SCN11A: variants seen among roughly 807,000 people sequenced by gnomAD.
The protein encoded by SCN11A is sodium voltage-gated channel alpha subunit 11, also known as sodium channel protein type 11 subunit alpha.
In SCN11A, 122 loss-of-function variants were observed where a neutral mutation model predicts 162.2. The ratio of observed to expected loss-of-function variants is 0.75; its 90% CI spans 0.65 to 0.87. The LOEUF (loss-of-function observed/expected upper bound fraction) is 0.87, where lower values mean the gene tolerates loss of function less well. Ranked by LOEUF, SCN11A falls within the 40% of genes least tolerant of loss-of-function variation. The pLI, the probability that SCN11A is intolerant of heterozygous loss-of-function variation, is 0.00. For synonymous variants in SCN11A, 758 were observed against 751.5 expected (o/e 1.01, Z -0.14); for missense variants, 2,015 against 2,181.6 (o/e 0.92, Z 1.52).
intron 2 of SCN11A, among the ~76,000 whole-genome samples, chr3:38,962,902 T>C (rs1204359018): frequency 1.3e-5 from 2 of 151,722 alleles, no homozygotes; most frequent in Non-Finnish European, 2.9e-5. Context: ...AGGACATGAA[T>C]AGACAATTCT....
chr3:38,979,768 G>A (rs1163195827), intron 2 of SCN11A, among the ~76,000 whole-genome samples: 2 of 152,052 alleles, frequency 1.3e-5, no homozygotes, highest in Non-Finnish European at 2.9e-5. Context: ...TCCAGCCTTT[G>A]TCTTCTCTAA....
intron 15 of SCN11A, 109 bp downstream of exon 15, chr3:38,905,083 G>T: frequency 7.2e-7 from 1 of 1,392,934 alleles, no homozygotes; most frequent in Non-Finnish European, 1.0e-6. Flanking sequence ...ACAGTGGGTT[G>T]GTTCCAAAAC....
chr3:38,993,483 C>A (rs1228936975), intron 2 of SCN11A, among the ~76,000 whole-genome samples: 2 of 152,212 alleles, frequency 1.3e-5, no homozygotes, highest in Non-Finnish European at 2.9e-5. Flanking sequence ...CAATCACATA[C>A]TTTCATACTA....
chr3:38,969,858 G>C (rs558304486), intron 2 of SCN11A, among the ~76,000 whole-genome samples: 4 of 152,336 alleles, frequency 2.6e-5, no homozygotes, highest in African/African-American at 9.6e-5. Context: ...CTAGTCTTAA[G>C]AAGGCTCAGT....
At chr3:38,930,164 G>A (rs2066219126) in intron 7 of SCN11A, among the ~76,000 whole-genome samples, 2 of 152,156 alleles carry the variant, frequency 1.3e-5, no homozygotes, top group Admixed American at 1.3e-4. Flanking sequence ...CAGCTTATCA[G>A]TTCAGAGTAA....
At position 38,846,699 on chromosome 3, in the gene SCN11A, C is replaced by G. The variant is rs772016847; in HGVS notation, c.5371G>C (p.Asp1791His). 12 of 1,613,488 alleles carry G rather than the reference C, an allele frequency of 7.4e-6. No individual in the cohort carries two copies. Among genetic ancestry groups the G allele is most frequent in the Non-Finnish European group, 1.0e-5 (12 of 1,179,744 alleles). ...GTAGGCGTGGAGGTGAGGGCTCAGT[C>G]ACAGTGGACCTTGCCCTTGGCCACC... ...FGVAKGKVHC[D>H] The change falls in exon 30 of 30, where the codon GAC becomes CAC. Residue 1791 changes from aspartate (D) to histidine (H), a missense_variant. Physicochemically the swap from Asp to His is moderately conservative, Grantham distance 81 (BLOSUM62 -1). Coordinates refer to ENST00000302328, the MANE Select transcript of SCN11A (RefSeq NM_001349253.2).
At chr3:38,854,180 G>C (rs11923194) in intron 28 of SCN11A, among the ~76,000 whole-genome samples, 21,184 of 152,092 alleles carry the variant, frequency 0.14, 1,532 homozygotes, top group East Asian at 0.17. Context: ...ATAAAGTTGT[G>C]TTGGAATACA....
intron 7 of SCN11A, among the ~76,000 whole-genome samples, chr3:38,939,300 T>C (rs935738578): frequency 2.0e-5 from 3 of 151,960 alleles, no homozygotes. Context: ...ATAGAATAGT[T>C]TTTAAAATGG....
At chr3:39,040,762 T>C (rs2032029927) in intron 1 of SCN11A, among the ~76,000 whole-genome samples, 1 of 152,086 alleles carries the variant, frequency 6.6e-6, no homozygotes, top group Non-Finnish European at 1.5e-5. Context: ...AGAGCTTCAA[T>C]AACAGACTAG....
In SCN11A at chr3:38,894,924, C is replaced by T. The variant is rs1395093839; in HGVS notation, c.2444G>A (p.Ser815Asn). ...TAAGTTTCCATTTCTTTCCTCATTG[C>T]TAAAGGAATTGAGCAGTAAGGCAAT... Reference protein sequence around the residue: ...LFIALLLNSFSNEERNGNLEG... With the variant: ...LFIALLLNSFNNEERNGNLEG... Residue 815 changes from serine (S) to asparagine (N), a missense_variant, in exon 19 of 30, where the codon AGC becomes AAC. Coordinates refer to ENST00000302328, the MANE Select transcript of SCN11A (RefSeq NM_001349253.2). 2 of 1,613,660 alleles carry T rather than the reference C, an allele frequency of 1.2e-6. No homozygotes were observed. Among genetic ancestry groups the T allele is most frequent in the South Asian group, 2.2e-5 (2 of 91,032 alleles).
chr3:38,924,395 GAC>G (rs1368735256), intron 9 of SCN11A, among the ~76,000 whole-genome samples: 1 of 150,498 alleles, frequency 6.6e-6, no homozygotes, highest in Admixed American at 6.6e-5. Flanking sequence ...TTTTTTCTGA[GAC>G]AGTTTTGCTT....
chr3:38,968,708 G>A (rs951654277), intron 2 of SCN11A, among the ~76,000 whole-genome samples: 4 of 151,880 alleles, frequency 2.6e-5, no homozygotes, highest in Non-Finnish European at 5.9e-5. Flanking sequence ...ACATACACAC[G>A]TCAGAATCAA....
intron 7 of SCN11A, among the ~76,000 whole-genome samples, chr3:38,943,046 G>A (rs1197678230): frequency 6.6e-6 from 1 of 151,844 alleles, no homozygotes; most frequent in East Asian, 1.9e-4. Context: ...ATTCATAATA[G>A]CCCTAAACTG....
At chr3:39,025,582 T>G (rs2031568071) in intron 2 of SCN11A, among the ~76,000 whole-genome samples, 1 of 152,008 alleles carries the variant, frequency 6.6e-6, no homozygotes, top group Non-Finnish European at 1.5e-5. Flanking sequence ...CCATGGCATT[T>G]GTAAACTGTC....
intron 4 of SCN11A, among the ~76,000 whole-genome samples, chr3:38,950,859 A>T (rs959472540): frequency 6.6e-6 from 1 of 152,268 alleles, no homozygotes; most frequent in African/African-American, 2.4e-5. Context: ...ACATCCAGTC[A>T]GTAAAGTTCT....
At chr3:39,040,874 C>T (rs1168406034) in intron 1 of SCN11A, among the ~76,000 whole-genome samples, 2 of 151,810 alleles carry the variant, frequency 1.3e-5, no homozygotes, top group African/African-American at 2.4e-5. Flanking sequence ...GTCAGGAGAT[C>T]GAGACCATCC....
In SCN11A at chr3:39,025,345, G is replaced by A. The variant is rs141514219; in HGVS notation, c.-280+7035C>T. On this transcript the variant is annotated intron_variant, in intron 2 of 29. Coordinates refer to ENST00000302328, the MANE Select transcript of SCN11A (RefSeq NM_001349253.2). ...AAGGGTTTGGAGCAAGCCCATAGAG[G>A]GAAGTGAAAGCAAGTTTATTAAGAA... 5.1e-3 allele frequency among the ~76,000 whole-genome samples: 771 copies of A among 152,222 alleles called. 5 individuals carry two copies. The highest frequency in any genetic ancestry group is 0.017 in the Middle Eastern group (5 of 294).
In SCN11A at chr3:38,903,988, C is replaced by T. The variant is rs1412872962; in HGVS notation, c.1719G>A (p.Val573=). 1 of 1,614,030 alleles carries T rather than the reference C, an allele frequency of 6.2e-7. No homozygotes were observed. The highest frequency in any genetic ancestry group is 1.3e-5 in the African/African-American group (1 of 75,028). ...CCAGCTCAGTAAACGGGTCAGTCAT[C>T]ACAGTTCTCAGGACCTTCTTAACGC... ...WLCVKKVLRT[V]MTDPFTELAI... Residue 573 remains valine, a synonymous_variant, in exon 16 of 30, where the codon GTG becomes GTA. Transcript: ENST00000302328.
chr3:39,003,221 CTTCT>C (rs1360706703), intron 2 of SCN11A, among the ~76,000 whole-genome samples: 2 of 152,156 alleles, frequency 1.3e-5, no homozygotes, highest in Non-Finnish European at 2.9e-5. Context: ...TATTGTTTTT[CTTCT>C]TTGTGTTCAT....
Sources: allele counts gnomAD v4.1 joint callset (sites outside exome capture counted in the v4.1 genomes callset), GRCh38; gene constraint gnomAD v4.1.1; transcripts MANE v1.5; gene names NCBI Gene and HGNC (gene_info 2026-07-23, HGNC 2026-07-21).